Variants in ADGB observed in about 807,000 individuals in gnomAD.
The protein encoded by ADGB is calpain-7-like protein.
Under a neutral mutation model 210.5 loss-of-function variants are expected in ADGB, and 172 were observed. That is an observed-to-expected ratio of 0.82 (90% CI 0.72 to 0.93). ADGB has a LOEUF of 0.93. ADGB is among the 40% of genes least tolerant of loss of function. The probability of loss-of-function intolerance (pLI) is 0.00; values close to 1 mark genes in which losing one functional copy is unlikely to be tolerated. For missense variants in ADGB, 2,025 were observed against 1,964.8 expected (o/e 1.03, Z -0.58); for synonymous variants, 658 against 662.7 (o/e 0.99, Z 0.11).
intron 1 of ADGB, among the ~76,000 whole-genome samples, chr6:146,621,347 GT>G (rs1017714678): frequency 1.3e-5 from 2 of 152,060 alleles, no homozygotes; most frequent in Non-Finnish European, 2.9e-5. Flanking sequence ...CCATGCATCA[GT>G]TACTGTGATT....
In ADGB at chr6:146,788,436, G is replaced by A. The variant is rs1447950611; in HGVS notation, c.4363G>A (p.Ala1455Thr). The change falls in exon 33 of 36, where the codon GCA becomes ACA. Residue 1455 changes from alanine (A) to threonine (T), a missense_variant. Physicochemically the swap from Ala to Thr is moderately conservative, Grantham distance 58. Transcript: ENST00000397944. ...AAAAGAACCAAACTCAAAGAATTCT[G>A]CAGGTTCAGAGAGCAAAGAGATGAC... ...GVKEPNSKNS[A>T]GSESKEMTQT... The A allele has an allele frequency of 6.4e-7, 1 of 1,551,538 alleles. No homozygotes were observed. Among genetic ancestry groups the A allele is most frequent in the Non-Finnish European group, 8.7e-7 (1 of 1,146,910 alleles).
chr6:146,616,284 T>C (rs1780798557), intron 1 of ADGB, among the ~76,000 whole-genome samples: 1 of 150,444 alleles, frequency 6.6e-6, no homozygotes, highest in Non-Finnish European at 1.5e-5. Flanking sequence ...TTTTTTTTGC[T>C]ATTGAGTTGT....
At chr6:146,614,209 CT>C (rs1780754840) in intron 1 of ADGB, among the ~76,000 whole-genome samples, 2 of 42,420 alleles carry the variant, frequency 4.7e-5, no homozygotes, top group South Asian at 9.2e-4. Flanking sequence ...CCCTTCCTCC[CT>C]TCCTTCCTCC....
At chr6:146,794,097 T>C (rs1023670058) in intron 33 of ADGB, among the ~76,000 whole-genome samples, 5 of 152,154 alleles carry the variant, frequency 3.3e-5, no homozygotes, top group Non-Finnish European at 7.4e-5. Context: ...TGCTGACAGA[T>C]TTGAGCTTTG....
chr6:146,627,215 T>G (rs1304101099), intron 1 of ADGB, among the ~76,000 whole-genome samples: 1 of 152,184 alleles, frequency 6.6e-6, no homozygotes, highest in Non-Finnish European at 1.5e-5. Flanking sequence ...TTAGTATGAT[T>G]GTTAGTTAAT....
At chr6:146,650,199 T>C (rs538025396) in intron 3 of ADGB, among the ~76,000 whole-genome samples, 4 of 152,322 alleles carry the variant, frequency 2.6e-5, no homozygotes, top group African/African-American at 9.6e-5. Context: ...TAAAAACATG[T>C]TTTATCCTTT....
intron 2 of ADGB, among the ~76,000 whole-genome samples, chr6:146,640,794 T>C (rs992098961): frequency 2.0e-5 from 3 of 151,898 alleles, no homozygotes; most frequent in Non-Finnish European, 4.4e-5. Context: ...GATAAACTCA[T>C]AGCCAACGTT....
At chr6:146,635,164 C>T (rs1447595689) in intron 1 of ADGB, among the ~76,000 whole-genome samples, 1 of 151,834 alleles carries the variant, frequency 6.6e-6, no homozygotes, top group Non-Finnish European at 1.5e-5. Flanking sequence ...GACTAAGGCT[C>T]CACTTTAGCT....
Position 146,753,490 on chromosome 6 carries a change from T to G in ADGB, c.3550+776T>G, listed in dbSNP as rs183538717. Among the ~76,000 whole-genome samples the G allele has an allele frequency of 2.3e-3, 346 of 152,142 alleles. 2 individuals are homozygous for G. Among genetic ancestry groups the G allele is most frequent in the Middle Eastern group, 0.02 (6 of 294 alleles). On this transcript the variant is annotated intron_variant, in intron 27 of 35. Transcript: ENST00000397944. ...CTCCAAACCAAGGTTAAATAACTGATGATGACGTATTTCCTTTTCTTAAGG... is the reference window on the plus strand; with the variant it reads ...CTCCAAACCAAGGTTAAATAACTGAGGATGACGTATTTCCTTTTCTTAAGG...
At chr6:146,813,874 G>C (rs1253294416) in intron 35 of ADGB, among the ~76,000 whole-genome samples, 13 of 152,190 alleles carry the variant, frequency 8.5e-5, no homozygotes, top group Admixed American at 7.9e-4. Flanking sequence ...GGCACAGAGA[G>C]AGCCTGAGTT....
At chr6:146,716,782 A>C (rs1776742000) in intron 14 of ADGB, 101 bp from the exon 15 acceptor site, 7 of 1,175,322 alleles carry the variant, frequency 6.0e-6, no homozygotes, top group South Asian at 1.8e-5. Flanking sequence ...ATATTTTCCC[A>C]AAAATAGACT....
At chr6:146,715,006 T>G (rs1287404013) in intron 13 of ADGB, among the ~76,000 whole-genome samples, 1 of 152,230 alleles carries the variant, frequency 6.6e-6, no homozygotes, top group Admixed American at 6.5e-5. Flanking sequence ...CTTTTTAGGT[T>G]CTGTACATTA....
chr6:146,648,376 A>G (rs751966703), intron 3 of ADGB, among the ~76,000 whole-genome samples: 32 of 152,024 alleles, frequency 2.1e-4, no homozygotes, highest in Non-Finnish European at 2.9e-4. Context: ...TTCTCACACT[A>G]CTATAAAGAC....
At chr6:146,644,655 C>A (rs1308721905) in intron 2 of ADGB, 118 bp from the exon 3 acceptor site, 3 of 549,174 alleles carry the variant, frequency 5.5e-6, no homozygotes, top group African/African-American at 3.9e-5. Context: ...AGAACACAAA[C>A]TGCTTTGTAA....
chr6:146,670,778 G>T (rs1323779727), intron 7 of ADGB, among the ~76,000 whole-genome samples: 1 of 152,084 alleles, frequency 6.6e-6, no homozygotes, highest in Non-Finnish European at 1.5e-5. Flanking sequence ...GAATGACTGG[G>T]ATACAGTATG....
At chr6:146,714,301 C>T (rs1776700701) in intron 13 of ADGB, among the ~76,000 whole-genome samples, 1 of 146,996 alleles carries the variant, frequency 6.8e-6, no homozygotes, top group African/African-American at 2.7e-5. Flanking sequence ...GGGCTGGCTC[C>T]CAATGTGCAT....
At chr6:146,708,288 G>A (rs1776605188) in intron 13 of ADGB, among the ~76,000 whole-genome samples, 1 of 152,020 alleles carries the variant, frequency 6.6e-6, no homozygotes, top group Non-Finnish European at 1.5e-5. Flanking sequence ...TTCTGAATTT[G>A]ACTATGTACT....
At chr6:146,603,171 G>A (rs567314870) in intron 1 of ADGB, among the ~76,000 whole-genome samples, 13 of 152,232 alleles carry the variant, frequency 8.5e-5, no homozygotes, top group Admixed American at 8.5e-4. Context: ...ACACAGATAT[G>A]CAATCTGTAA....
At chr6:146,686,123 G>GTCACTGTATCTTTGT (rs1776229703) in intron 10 of ADGB, among the ~76,000 whole-genome samples, 1 of 151,916 alleles carries the variant, frequency 6.6e-6, no homozygotes, top group Admixed American at 6.6e-5. Context: ...AAAGATACAG[G>GTCACTGTATCTTTGT]ATTTATGTAT....
Sources: allele counts gnomAD v4.1 joint callset (sites outside exome capture counted in the v4.1 genomes callset), GRCh38; gene constraint gnomAD v4.1.1; transcripts MANE v1.5; gene names NCBI Gene and HGNC (gene_info 2026-07-23, HGNC 2026-07-21).